RNF103: variants seen among roughly 807,000 people sequenced by gnomAD.
RNF103 encodes ring finger protein 103.
In RNF103, 23 loss-of-function variants were observed where a neutral mutation model predicts 66.2. The observed-to-expected ratio is 0.35, with a 90% CI of 0.25 to 0.49. The LOEUF is 0.49. Among genes scored for constraint, RNF103 ranks in the 20% least tolerant of loss-of-function variants. RNF103 has a pLI of 0.98. For missense variants in RNF103, 730 were observed against 814.7 expected, an observed-to-expected ratio of 0.90 and a Z score of 1.27; for synonymous variants, 297 against 289.9, an observed-to-expected ratio of 1.02 and a Z score of -0.25.
intron 3 of RNF103, 35 bp downstream of exon 3, chr2:86,612,124 G>T: frequency 7.3e-7 from 1 of 1,371,870 alleles, no homozygotes; most frequent in Non-Finnish European, 1.0e-6. Context: ...ATCCTGGTCA[G>T]GACTCAAATT....
chr2:86,606,475 C>T (rs961526145), intron 3 of RNF103, among the ~76,000 whole-genome samples: 16 of 151,904 alleles, frequency 1.1e-4, no homozygotes, highest in East Asian at 7.8e-4. Context: ...CCATCCTGGC[C>T]AACATGGTGA....
At chr2:86,616,820 G>A in intron 2 of RNF103, 2 of 985,384 alleles carry the variant, frequency 2.0e-6, no homozygotes, top group African/African-American at 3.5e-5. Flanking sequence ...CGGAGAAACA[G>A]AAATGTTAGG....
chr2:86,623,044 G>C lies in RNF103; in HGVS notation c.-158C>G, dbSNP rs921858408. ...CTGGCCGGCCATCCCCGGCGGGGAA[G>C]CAGGTGACGGGATCCGCGCGGGCGC... On this transcript the variant is annotated 5_prime_UTR_variant, in exon 1 of 4. Coordinates refer to ENST00000237455, the MANE Select transcript of RNF103 (RefSeq NM_005667.4). 2.2e-6 allele frequency: 3 copies of C among 1,344,530 alleles called. No homozygotes were observed. Among genetic ancestry groups the C allele is most frequent in the African/African-American group, 3.1e-5 (2 of 64,284 alleles). 83.3% of individuals were successfully genotyped at this position (1,344,530 alleles called of 1,614,324 possible).
At chr2:86,615,538 A>ATATATATATATATAT (rs900412430) in intron 2 of RNF103, among the ~76,000 whole-genome samples, 1 of 137,252 alleles carries the variant, frequency 7.3e-6, no homozygotes, top group Non-Finnish European at 1.6e-5. Context: ...ATATATATAT[A>ATATATATATATATAT]ATATATATAC....
rs143789506 is a variant in RNF103, at chr2:86,604,066, G to A, written c.1835C>T (p.Pro612Leu). ...TTCAGTACAGTGCAGCATATCAGCA[G>A]GCCAAGTTAACCAATCAGGTTCCAT... The part of the protein sequence containing the change: ...EDMEPDWLTW[P>L]ADMLHCTECV... Residue 612 changes from proline to leucine, a missense_variant, in exon 4 of 4, where the codon CCT (proline) becomes CTT (leucine). Around this residue, in one of 3 missense-constraint regions of RNF103, gnomAD observed 355 missense variants for 351.9 expected, o/e 1.01. Coordinates refer to ENST00000237455, the MANE Select transcript of RNF103 (RefSeq NM_005667.4). 1 of 1,613,912 alleles carries A rather than the reference G, an allele frequency of 6.2e-7. No homozygotes were observed. The highest frequency in any genetic ancestry group is 2.2e-5 in the East Asian group (1 of 44,884).
intron 2 of RNF103, chr2:86,616,285 G>A (rs1679015254): frequency 5.8e-6 from 1 of 172,120 alleles, no homozygotes; most frequent in Non-Finnish European, 1.2e-5. Context: ...GGAACAATGA[G>A]AGTATTGTGC....
intron 1 of RNF103, 61 bp downstream of exon 1, chr2:86,622,600 G>A (rs1369405764): frequency 6.6e-7 from 1 of 1,511,996 alleles, no homozygotes; most frequent in Non-Finnish European, 9.2e-7. Context: ...CCAGGTACCA[G>A]GAGGTACAGG....
intron 2 of RNF103, chr2:86,617,902 G>T (rs957548793): frequency 3.0e-6 from 3 of 1,007,994 alleles, no homozygotes; most frequent in African/African-American, 1.7e-5. Context: ...CTTCTCAGTT[G>T]TCCTGCCAGA....
intron 2 of RNF103, among the ~76,000 whole-genome samples, chr2:86,615,538 A>ATATAT (rs900412430): frequency 7.3e-6 from 1 of 137,252 alleles, no homozygotes; most frequent in Admixed American, 7.9e-5. Context: ...ATATATATAT[A>ATATAT]ATATATATAC....
chr2:86,623,786 C>A lies in RNF103; in HGVS notation c.-900G>T. On this transcript the variant is annotated 5_prime_UTR_variant, in exon 1 of 4. Transcript: ENST00000237455. ...CGGTCGCAGCACCCGTCCCCAACAC[C>A]CCCGCCACCTCCGGAGACCGCGGCC... The A allele has an allele frequency of 7.8e-7, 1 of 1,282,998 alleles. No homozygotes were observed. Among genetic ancestry groups the A allele is most frequent in the Non-Finnish European group, 1.0e-6 (1 of 986,478 alleles). The allele number at this position is 1,282,998 out of a possible 1,614,324, so 79.5% of individuals were successfully genotyped here.
At position 86,612,169 on chromosome 2, in the gene RNF103, T is replaced by G. The variant is rs759273431; in HGVS notation, c.472A>C (p.Ser158Arg). The G allele has an allele frequency of 6.2e-7, 1 of 1,608,308 alleles. No individual in the cohort carries two copies. Among genetic ancestry groups the G allele is most frequent in the Non-Finnish European group, 8.5e-7 (1 of 1,177,364 alleles). The change falls in exon 3 of 4, where the codon AGT becomes CGT. Residue 158 changes from serine to arginine, a missense_variant. By Grantham distance (110) the Ser-to-Arg change is moderately radical. This residue lies in a region of RNF103 where 327 missense variants were observed against 369.8 expected (regional missense o/e 0.88). Coordinates refer to ENST00000237455, the MANE Select transcript of RNF103 (RefSeq NM_005667.4). The part of the protein sequence containing the change: ...GIRTGTFNCS[S>R]DPRYCRRRGW... The stretch of plus-strand genomic sequence containing the variant: ...GCCTAATCAACTTACCTGGGATCAC[T>G]GGAACAGTTAAATGTGCCTGTACGT...
intron 2 of RNF103, chr2:86,617,516 G>T (rs2104253596): frequency 2.0e-6 from 1 of 497,334 alleles, no homozygotes. Flanking sequence ...CTTTATCACA[G>T]GTATGTATGT....
At position 86,605,253 on chromosome 2, in the gene RNF103, G is replaced by C; in HGVS notation, c.648C>G (p.Thr216=). 1 of 1,614,080 alleles carries C rather than the reference G, an allele frequency of 6.2e-7. No individual in the cohort carries two copies. Among genetic ancestry groups the C allele is most frequent in the Non-Finnish European group, 8.5e-7 (1 of 1,180,014 alleles). Reference sequence around the variant, plus strand: ...CTTTCAAGTGTTCAGCATTATAAATGGTTTTGATCCGAGAAGCTGCATGAG... The same window carrying C: ...CTTTCAAGTGTTCAGCATTATAAATCGTTTTGATCCGAGAAGCTGCATGAG... ...ITAHAASRIK[T]IYNAEHLKEE... The change falls in exon 4 of 4, where the codon ACC becomes ACG. Residue 216 remains threonine, a synonymous_variant. Coordinates refer to ENST00000237455, the MANE Select transcript of RNF103 (RefSeq NM_005667.4).
At chr2:86,611,518 A>G (rs776541783) in intron 3 of RNF103, among the ~76,000 whole-genome samples, 1 of 152,232 alleles carries the variant, frequency 6.6e-6, no homozygotes, top group Non-Finnish European at 1.5e-5. Flanking sequence ...TAATAAAACA[A>G]GAAATAATGT....
intron 3 of RNF103, among the ~76,000 whole-genome samples, chr2:86,609,947 T>A (rs905139164): frequency 5.3e-5 from 8 of 152,222 alleles, no homozygotes; most frequent in Non-Finnish European, 1.2e-4. Context: ...TCTGCCCACT[T>A]ACACCCTGCA....
chr2:86,622,647 A>AG lies in RNF103; in HGVS notation c.226+13dup. 1 of 1,613,688 alleles carries AG rather than the reference A, an allele frequency of 6.2e-7. No individual in the cohort carries two copies. The highest frequency in any genetic ancestry group is 1.1e-5 in the South Asian group (1 of 91,070). On this transcript the variant is annotated intron_variant, in intron 1 of 3. Transcript: ENST00000237455. Reference sequence around the variant, plus strand: ...CCCAGGTGGAGGGGACCCTAGGGGAAGCCCGATACTCGCCTGACTTTTCCA... The same window carrying AG: ...CCCAGGTGGAGGGGACCCTAGGGGAAGGCCCGATACTCGCCTGACTTTTCCA...
In RNF103 at chr2:86,623,032, CCCGG is replaced by C. The variant is rs1679294659; in HGVS notation, c.-150_-147del. The C allele has an allele frequency of 1.9e-5, 26 of 1,352,980 alleles. No homozygotes were observed. The East Asian group carries it at 8.0e-4, about 41-fold the overall frequency. 83.8% of individuals were successfully genotyped at this position (1,352,980 alleles called of 1,614,324 possible). ...CCGGCGCCGTCACTGGCCGGCCATCCCCGGCGGGGAAGCAGGTGACGGGATCCGC... is the reference window on the plus strand; with the variant it reads ...CCGGCGCCGTCACTGGCCGGCCATCCCGGGGAAGCAGGTGACGGGATCCGC... On this transcript the variant is annotated 5_prime_UTR_variant, in exon 1 of 4. The change abolishes the stop of an existing upstream ORF in the 5' untranslated region. Transcript: ENST00000237455.
chr2:86,616,368 A>ATAT, intron 2 of RNF103: 2 of 523,676 alleles, frequency 3.8e-6, no homozygotes, highest in Non-Finnish European at 4.9e-6. Flanking sequence ...AAGCCAACCT[A>ATAT]GTATATACAT....
At chr2:86,607,282 A>C (rs1036043943) in intron 3 of RNF103, among the ~76,000 whole-genome samples, 1 of 152,208 alleles carries the variant, frequency 6.6e-6, no homozygotes, top group Non-Finnish European at 1.5e-5. Context: ...ATATTTTATT[A>C]AATAAACATA....
Sources: allele counts gnomAD v4.1 joint callset (sites outside exome capture counted in the v4.1 genomes callset), GRCh38; gene constraint gnomAD v4.1.1; regional missense constraint gnomAD v4.1.1; transcripts MANE v1.5; gene names NCBI Gene and HGNC (gene_info 2026-07-23, HGNC 2026-07-21).